Variants in DYRK1A observed in about 807,000 individuals in gnomAD.
The protein encoded by DYRK1A is dual specificity tyrosine phosphorylation regulated kinase 1A.
DYRK1A carries 9 observed loss-of-function variants against 79.7 expected under a neutral mutation model. The ratio of observed to expected loss-of-function variants is 0.11; its 90% confidence interval spans 0.07 to 0.20. The LOEUF (loss-of-function observed/expected upper bound fraction) is 0.20. Among genes scored for constraint, DYRK1A ranks in the 10% least tolerant of loss-of-function variants. DYRK1A has a pLI of 1.00. For missense variants in DYRK1A, 622 were observed against 956.0 expected, an observed-to-expected ratio of 0.65 and a Z score of 4.61; for synonymous variants, 349 against 329.7, an observed-to-expected ratio of 1.06 and a Z score of -0.63.
At chr21:37,432,223 A>G (rs1191780328) in intron 2 of DYRK1A, among the ~76,000 whole-genome samples, 2 of 152,068 alleles carry the variant, frequency 1.3e-5, no homozygotes, top group African/African-American at 4.8e-5. Flanking sequence ...GAGGAAGAGG[A>G]TGGCACTGTT....
intron 2 of DYRK1A, among the ~76,000 whole-genome samples, chr21:37,453,487 A>G (rs2051527960): frequency 6.6e-6 from 1 of 151,934 alleles, no homozygotes; most frequent in African/African-American, 2.4e-5. Context: ...GCATATTTTT[A>G]TGTTTAAGAC....
intron 5 of DYRK1A, chr21:37,481,741 C>G (rs964064869): frequency 6.6e-6 from 1 of 152,086 alleles, no homozygotes; most frequent in Non-Finnish European, 1.5e-5. Context: ...CGTGGTGACT[C>G]ACACCTATAA....
intron 1 of DYRK1A, among the ~76,000 whole-genome samples, chr21:37,369,793 T>C (rs1174030661): frequency 6.6e-6 from 1 of 152,274 alleles, no homozygotes. Context: ...AGTGAGATCT[T>C]TGTTTTGAGA....
intron 2 of DYRK1A, among the ~76,000 whole-genome samples, chr21:37,423,138 C>T (rs1233112748): frequency 6.6e-6 from 1 of 152,092 alleles, no homozygotes; most frequent in Admixed American, 6.6e-5. Flanking sequence ...TTAAGACTCA[C>T]CTATTGAATT....
chr21:37,510,934 T>C (rs1208323694), intron 11 of DYRK1A, among the ~76,000 whole-genome samples: 1 of 152,142 alleles, frequency 6.6e-6, no homozygotes, highest in Non-Finnish European at 1.5e-5. Context: ...GCACAACCAG[T>C]AGCTTCTGCC....
intron 1 of DYRK1A, among the ~76,000 whole-genome samples, chr21:37,404,410 C>G (rs981039664): frequency 6.6e-6 from 1 of 152,190 alleles, no homozygotes. Flanking sequence ...GTCTCAGCCT[C>G]TAAGTAATCA....
At chr21:37,452,003 G>A (rs572704444) in intron 2 of DYRK1A, among the ~76,000 whole-genome samples, 1 of 152,296 alleles carries the variant, frequency 6.6e-6, no homozygotes, top group South Asian at 2.1e-4. Flanking sequence ...AGAATGGTGA[G>A]AAGGTCGGTG....
At chr21:37,371,696 A>G (rs2049433639) in intron 1 of DYRK1A, among the ~76,000 whole-genome samples, 1 of 152,190 alleles carries the variant, frequency 6.6e-6, no homozygotes, top group Non-Finnish European at 1.5e-5. Context: ...TCTGATACAT[A>G]GTGAGTAATA....
intron 2 of DYRK1A, among the ~76,000 whole-genome samples, chr21:37,459,942 G>A (rs2051783364): frequency 6.6e-6 from 1 of 152,116 alleles, no homozygotes; most frequent in Non-Finnish European, 1.5e-5. Context: ...ATATTTGGGA[G>A]CATTAGGTCA....
At chr21:37,380,717 G>C (rs569678643) in intron 1 of DYRK1A, among the ~76,000 whole-genome samples, 7 of 151,322 alleles carry the variant, frequency 4.6e-5, no homozygotes, top group Admixed American at 3.9e-4. Context: ...AACAAGAATT[G>C]TCTCTCCTAA....
chr21:37,479,606 GTTTTTGTTTTTTGTTTTTT>G (rs2052540435), intron 4 of DYRK1A, among the ~76,000 whole-genome samples: 1 of 27,594 alleles, frequency 3.6e-5, no homozygotes, highest in African/African-American at 1.5e-4. Flanking sequence ...TTTTGTTTTT[GTTTTTGTTTTTTGTTTTTT>G]TTTTTTTTTT....
At chr21:37,503,417 C>G (rs947501218) in intron 9 of DYRK1A, 3 of 151,928 alleles carry the variant, frequency 2.0e-5, no homozygotes, top group Admixed American at 1.3e-4. Context: ...TAAATGGATT[C>G]ATGTGATGTT....
intron 1 of DYRK1A, among the ~76,000 whole-genome samples, chr21:37,391,104 A>G (rs1447062434): frequency 6.6e-6 from 1 of 152,166 alleles, no homozygotes. Context: ...TGCATTTGTT[A>G]CCAAATTTCA....
In DYRK1A at chr21:37,379,240, T is replaced by G. The variant is rs144485179; in HGVS notation, c.-77+11612T>G. ...AGGTGACACTGTAAGAAGGAGGGTT[T>G]GGAAGGCAGGACCATTCTAGATGTA... is the stretch of plus-strand genomic sequence containing the variant. On this transcript the variant is annotated intron_variant, in intron 1 of 11. Transcript: ENST00000647188. Among the ~76,000 whole-genome samples the G allele has an allele frequency of 1.1e-4, 16 of 152,058 alleles. No homozygotes were observed. In the East Asian group the frequency reaches 2.9e-3, roughly 28 times the overall value.
chr21:37,503,551 A>AG (rs1315273691), intron 9 of DYRK1A: 1 of 152,160 alleles, frequency 6.6e-6, no homozygotes, highest in Non-Finnish European at 1.5e-5. Context: ...CCTCCCAAGA[A>AG]GCTCGGACTA....
chr21:37,417,787 T>C (rs867114901), intron 1 of DYRK1A, among the ~76,000 whole-genome samples: 2 of 152,214 alleles, frequency 1.3e-5, no homozygotes, highest in Middle Eastern at 3.4e-3. Flanking sequence ...AAAAACCATG[T>C]AAGCTCGGTT....
upstream of DYRK1A, chr21:37,366,046 C>T (rs2049295290): frequency 6.6e-6 from 1 of 151,980 alleles, no homozygotes; most frequent in Admixed American, 6.5e-5. Flanking sequence ...GCGGTGGCTC[C>T]TCCCCGCCCC....
intron 1 of DYRK1A, among the ~76,000 whole-genome samples, chr21:37,389,918 G>GTTTTT (rs1337784767): frequency 6.9e-6 from 1 of 145,038 alleles, no homozygotes; most frequent in African/African-American, 2.5e-5. Context: ...TATGTATTTT[G>GTTTTT]TTTTTTGTTT....
intron 2 of DYRK1A, among the ~76,000 whole-genome samples, chr21:37,452,050 G>A (rs1018621862): frequency 1.3e-5 from 2 of 152,116 alleles, no homozygotes; most frequent in Admixed American, 6.5e-5. Context: ...GGGACAGGAT[G>A]GAGAGAAATG....
Sources: allele counts gnomAD v4.1 joint callset (sites outside exome capture counted in the v4.1 genomes callset), GRCh38; gene constraint gnomAD v4.1.1; transcripts MANE v1.5; gene names NCBI Gene and HGNC (gene_info 2026-07-23, HGNC 2026-07-21).